C17orf75: variants seen among roughly 807,000 people sequenced by gnomAD.
C17orf75 encodes protein Njmu-R1.
A neutral mutation model predicts 49.6 loss-of-function variants in C17orf75; 32 were observed. That is an observed-to-expected ratio of 0.65 (90% confidence interval 0.49 to 0.87). The LOEUF is 0.87. Among genes scored for constraint, C17orf75 ranks in the 40% least tolerant of loss-of-function variants. C17orf75 has a pLI of 0.00. For missense variants in C17orf75, 428 were observed against 473.9 expected (o/e 0.90, Z 0.90); for synonymous variants, 158 against 159.5 (o/e 0.99, Z 0.07).
upstream of C17orf75, among the ~76,000 whole-genome samples, chr17:32,344,355 C>T (rs143043650): frequency 4.7e-3 from 708 of 152,214 alleles, 5 homozygotes; most frequent in African/African-American, 0.016. Flanking sequence ...TGGTGGCTCA[C>T]GCCTGTAATC....
chr17:32,345,912 C>G (rs1048868166), upstream of C17orf75, among the ~76,000 whole-genome samples: 18 of 152,146 alleles, frequency 1.2e-4, no homozygotes, highest in African/African-American at 3.9e-4. Context: ...AAACCAAGAT[C>G]TCTGGACAAA....
At chr17:32,343,741 A>G (rs957603262), upstream of C17orf75, 2 of 611,864 alleles carry the variant, frequency 3.3e-6, no homozygotes, top group East Asian at 2.8e-5. Flanking sequence ...CAGTTTCCTT[A>G]TCTCTCATTT....
At chr17:32,343,382 C>T (rs2041399047), upstream of C17orf75, 1 of 183,000 alleles carries the variant, frequency 5.5e-6, no homozygotes, top group Non-Finnish European at 1.1e-5. Flanking sequence ...GGGGCAGTTC[C>T]TATTTTTAAA....
At chr17:32,346,466 C>T (rs2041426083), upstream of C17orf75, among the ~76,000 whole-genome samples, 1 of 152,174 alleles carries the variant, frequency 6.6e-6, no homozygotes, top group African/African-American at 2.4e-5. Flanking sequence ...TGCCCAGGCT[C>T]GCCTTAAACT....
intron 1 of C17orf75, 26 bp downstream of exon 1, chr17:32,341,974 T>C (rs1180522516): frequency 1.8e-5 from 25 of 1,397,470 alleles, no homozygotes; most frequent in Non-Finnish European, 1.9e-6. Flanking sequence ...GCGGGCGGGC[T>C]GGCAGGCCGA....
Position 32,341,991 on chromosome 17 carries a change from C to G in C17orf75, c.140+9G>C. The G allele has an allele frequency of 6.9e-7, 1 of 1,446,158 alleles. No homozygotes were observed. Among genetic ancestry groups the G allele is most frequent in the Non-Finnish European group, 9.1e-7 (1 of 1,096,186 alleles). 89.6% of individuals were successfully genotyped at this position (1,446,158 alleles called of 1,614,324 possible). A position where few individuals can be genotyped will look rare whatever the true frequency, so the allele number is the denominator to read the frequency against. On this transcript the variant is annotated intron_variant, in intron 1 of 9. Transcript: ENST00000577809. The stretch of plus-strand genomic sequence containing the variant: ...GGGCGGGCTGGCAGGCCGAGCTGGG[C>G]GCCAGCACCTGCTTCCGCGATAGCT...
chr17:32,341,938 G>C, intron 1 of C17orf75, 62 bp downstream of exon 1: 1 of 1,223,976 alleles, frequency 8.2e-7, no homozygotes. Context: ...AAGGCCGGGC[G>C]GCGGGCCGGG....
chr17:32,341,882 G>A lies in C17orf75; in HGVS notation c.140+118C>T, dbSNP rs1474535749. On this transcript the variant is annotated intron_variant, in intron 1 of 9. Coordinates refer to ENST00000577809, the MANE Select transcript of C17orf75 (RefSeq NM_022344.4). ...AGAGACCTTGGCTGGGAGAGGAGAA[G>A]ATGGCTTTTAGGAGCGGCCGGGCCG... 9 of 1,092,534 alleles carry A rather than the reference G, an allele frequency of 8.2e-6. No homozygotes were observed. The African/African-American group carries it at 1.5e-4, about 18-fold the overall frequency. 67.7% of individuals were successfully genotyped at this position (1,092,534 alleles called of 1,614,324 possible).
rs995014709 is a variant in C17orf75 at position 32,329,403 on chromosome 17, G to A, written c.*2360C>T. 3 of 151,806 alleles carry A rather than the reference G, an allele frequency of 2.0e-5. No individual in the cohort carries two copies. The highest frequency in any genetic ancestry group is 7.3e-5 in the African/African-American group (3 of 41,310). The allele number at this position is 151,806 out of a possible 1,614,324, so 9.4% of individuals were successfully genotyped here. A position where few individuals can be genotyped will look rare whatever the true frequency, so the allele number is the denominator to read the frequency against. On this transcript the variant is annotated 3_prime_UTR_variant, in exon 10 of 10. Coordinates refer to ENST00000577809, the MANE Select transcript of C17orf75 (RefSeq NM_022344.4). The stretch of plus-strand genomic sequence containing the variant: ...TTTTAAAATAAGACTACCAGAGGCC[G>A]GGTGCAGTGGCTCAGTTTGGGAGGC...
At chr17:32,332,858 G>A (rs8077084) in intron 9 of C17orf75, among the ~76,000 whole-genome samples, 4,719 of 151,956 alleles carry the variant, frequency 0.031, 216 homozygotes, top group African/African-American at 0.11. Flanking sequence ...CACCTAGGTC[G>A]GAGTGCAGTG....
chr17:32,338,781 T>A (rs368343949), intron 3 of C17orf75, among the ~76,000 whole-genome samples: 1 of 151,966 alleles, frequency 6.6e-6, no homozygotes, highest in Non-Finnish European at 1.5e-5. Flanking sequence ...ACGGTCTGAG[T>A]TGAACTAGAA....
chr17:32,341,361 G>GT, intron 1 of C17orf75, 77 bp from the exon 2 acceptor site: 1 of 1,447,094 alleles, frequency 6.9e-7, no homozygotes, highest in Middle Eastern at 1.8e-4. Flanking sequence ...GGCAAGCAGG[G>GT]TAAGGCAAGG....
At chr17:32,345,825 C>T (rs1420845857), upstream of C17orf75, among the ~76,000 whole-genome samples, 2 of 152,018 alleles carry the variant, frequency 1.3e-5, no homozygotes, top group African/African-American at 4.8e-5. Context: ...GGATTACAGG[C>T]ATGAGCCACC....
chr17:32,344,410 G>A (rs865824163), upstream of C17orf75, among the ~76,000 whole-genome samples: 1 of 151,976 alleles, frequency 6.6e-6, no homozygotes, highest in Non-Finnish European at 1.5e-5. Flanking sequence ...AAGGTCAGGA[G>A]ATCGAGACCA....
intron 2 of C17orf75, 127 bp downstream of exon 2, chr17:32,341,077 G>A (rs2041375371): frequency 6.2e-6 from 6 of 974,426 alleles, no homozygotes; most frequent in South Asian, 5.7e-5. Flanking sequence ...GTTCCTAGGG[G>A]ATAGGAGGAA....
chr17:32,334,413 C>A, intron 8 of C17orf75, 56 bp downstream of exon 8: 1 of 1,563,590 alleles, frequency 6.4e-7, no homozygotes, highest in Non-Finnish European at 8.7e-7. Flanking sequence ...GCTCTCAGTG[C>A]AAAGATGGGG....
At chr17:32,333,821 T>C (rs1019805430) in intron 8 of C17orf75, among the ~76,000 whole-genome samples, 2 of 152,168 alleles carry the variant, frequency 1.3e-5, no homozygotes, top group African/African-American at 4.8e-5. Flanking sequence ...ACATGTATAA[T>C]GGCCTAAAAA....
rs749942675 is a variant in C17orf75, at chr17:32,338,178, T to C, written c.491+30A>G. The C allele has an allele frequency of 1.9e-6, 3 of 1,601,998 alleles. No individual in the cohort carries two copies. The African/African-American group carries it at 4.0e-5, about 22-fold the overall frequency. On this transcript the variant is annotated intron_variant, in intron 4 of 9. Coordinates refer to ENST00000577809, the MANE Select transcript of C17orf75 (RefSeq NM_022344.4). ...ACCTGCCTTCCCATGTTTTCCTTCC[T>C]GATGTTCTCAAAAACCAAAGAAAGG...
intron 2 of C17orf75, 183 bp downstream of exon 2, chr17:32,341,021 T>G: frequency 3.1e-6 from 2 of 637,454 alleles, no homozygotes; most frequent in Non-Finnish European, 5.6e-6. Flanking sequence ...GTGGATTTGT[T>G]TGCCCCAGCC....
Sources: allele counts gnomAD v4.1 joint callset (sites outside exome capture counted in the v4.1 genomes callset), GRCh38; gene constraint gnomAD v4.1.1; transcripts MANE v1.5; gene names NCBI Gene and HGNC (gene_info 2026-07-23, HGNC 2026-07-21).